PTPRT: variants seen among roughly 807,000 people sequenced by gnomAD.
PTPRT encodes receptor-type tyrosine-protein phosphatase T.
A neutral mutation model predicts 176.8 loss-of-function variants in PTPRT; 56 were observed. That is an observed-to-expected ratio of 0.32 (90% confidence interval 0.26 to 0.40). The LOEUF is 0.40. Among genes scored for constraint, PTPRT ranks in the 10% least tolerant of loss-of-function variants. PTPRT has a pLI of 1.00. For missense variants in PTPRT, 1,540 were observed against 1,908.2 expected, an observed-to-expected ratio of 0.81 and a Z score of 3.60; for synonymous variants, 783 against 739.0, an observed-to-expected ratio of 1.06 and a Z score of -0.96.
At chr20:42,912,787 A>G (rs1177469471) in intron 1 of PTPRT, among the ~76,000 whole-genome samples, 1 of 152,226 alleles carries the variant, frequency 6.6e-6, no homozygotes, top group Non-Finnish European at 1.5e-5. Context: ...AAAATTATCC[A>G]TCTACTCCCG....
At chr20:42,836,172 C>T (rs1006931945) in intron 2 of PTPRT, among the ~76,000 whole-genome samples, 20 of 152,164 alleles carry the variant, frequency 1.3e-4, no homozygotes, top group African/African-American at 4.6e-4. Flanking sequence ...TTACCCTAGC[C>T]TCCTGCTGCC....
chr20:42,057,955 G>A, the PTPRT span, among the ~76,000 whole-genome samples: 1 of 152,158 alleles, frequency 6.6e-6, no homozygotes, highest in African/African-American at 2.4e-5. Flanking sequence ...AACAATTAGG[G>A]AAAGTCATAG....
At chr20:42,665,345 C>G (rs549670207) in intron 7 of PTPRT, among the ~76,000 whole-genome samples, 1 of 152,316 alleles carries the variant, frequency 6.6e-6, no homozygotes, top group East Asian at 1.9e-4. Flanking sequence ...TGAAAAAATG[C>G]TCATCATCAC....
At chr20:42,426,316 A>T (rs544147520) in intron 9 of PTPRT, among the ~76,000 whole-genome samples, 2 of 152,226 alleles carry the variant, frequency 1.3e-5, no homozygotes, top group African/African-American at 4.8e-5. Context: ...AGGAGAGAAG[A>T]GAAGGAGCAT....
Position 42,319,142 on chromosome 20 carries a change from C to G in PTPRT, c.1866-3146G>C, listed in dbSNP as rs192130374. Among the ~76,000 whole-genome samples the G allele has an allele frequency of 2.9e-3, 441 of 152,272 alleles. 2 individuals are homozygous for G. The highest frequency in any genetic ancestry group is 7.1e-3 in the Admixed American group (109 of 15,306). On this transcript the variant is annotated intron_variant, in intron 11 of 30. Transcript: ENST00000373187. The stretch of plus-strand genomic sequence containing the variant: ...CTGAAGATCCACTTGTCAATTCAAC[C>G]AAGCTCAAAAGCCAGATTACACATG...
At chr20:42,814,104 T>C (rs1340430553) in intron 2 of PTPRT, among the ~76,000 whole-genome samples, 1 of 152,164 alleles carries the variant, frequency 6.6e-6, no homozygotes, top group African/African-American at 2.4e-5. Flanking sequence ...GTTACTAATA[T>C]GCTTTTTGGT....
At chr20:42,044,816 A>G in the PTPRT span, among the ~76,000 whole-genome samples, 6 of 152,230 alleles carry the variant, frequency 3.9e-5, no homozygotes, top group East Asian at 1.2e-3. Flanking sequence ...TCTGGAGGTC[A>G]GAGATCTGAC....
At position 42,790,508 on chromosome 20, in the gene PTPRT, G is replaced by C. The variant is rs534121687; in HGVS notation, c.486+687C>G. On this transcript the variant is annotated intron_variant, in intron 3 of 30. Coordinates refer to ENST00000373187, the MANE Select transcript of PTPRT (RefSeq NM_007050.6). ...TATGAGCAGCACTGCTTTAAACTAA[G>C]TTCCATCCATTAGCCTGACATTCAA... Among the ~76,000 whole-genome samples the C allele has an allele frequency of 4.0e-4, 61 of 152,164 alleles. 2 individuals carry two copies. The highest frequency in any genetic ancestry group is 6.6e-4 in the Non-Finnish European group (45 of 68,028).
At chr20:42,251,728 A>AAG (rs2056554531) in intron 13 of PTPRT, among the ~76,000 whole-genome samples, 1 of 151,526 alleles carries the variant, frequency 6.6e-6, no homozygotes, top group South Asian at 2.1e-4. Flanking sequence ...AAAAAACAAA[A>AAG]AAAAGAAAAG....
chr20:42,054,520 C>G, the PTPRT span, among the ~76,000 whole-genome samples: 1 of 152,162 alleles, frequency 6.6e-6, no homozygotes, highest in Non-Finnish European at 1.5e-5. Flanking sequence ...GGTTAACTGT[C>G]TTTGAATTGT....
intron 8 of PTPRT, among the ~76,000 whole-genome samples, chr20:42,456,925 G>A (rs1275939780): frequency 2.0e-5 from 3 of 152,132 alleles, no homozygotes; most frequent in Admixed American, 6.5e-5. Flanking sequence ...AGTCACCTGG[G>A]ACTGATGTGT....
chr20:42,580,238 T>G, intron 7 of PTPRT, among the ~76,000 whole-genome samples: 1 of 151,898 alleles, frequency 6.6e-6, no homozygotes, highest in Non-Finnish European at 1.5e-5. Flanking sequence ...ATTGCTGAGG[T>G]CTCTGTTCTG....
Position 42,728,306 on chromosome 20 carries a change from C to T in PTPRT, c.859+28156G>A, listed in dbSNP as rs138549362. On this transcript the variant is annotated intron_variant, in intron 6 of 30. Coordinates refer to ENST00000373187, the MANE Select transcript of PTPRT (RefSeq NM_007050.6). ...TGCTTCAATAGGTCTGGGGTGGGGC[C>T]GGAGAATTTACATTTCTGATAAGTT... 3.3e-5 allele frequency among the ~76,000 whole-genome samples: 5 copies of T among 152,258 alleles called. No individual in the cohort carries two copies. The East Asian group carries it at 7.7e-4, about 24-fold the overall frequency.
intron 6 of PTPRT, among the ~76,000 whole-genome samples, chr20:42,717,474 A>G (rs1238228598): frequency 1.3e-5 from 2 of 152,174 alleles, no homozygotes; most frequent in Non-Finnish European, 2.9e-5. Flanking sequence ...TCAAAGTGAC[A>G]GTTTTTATAG....
intron 11 of PTPRT, among the ~76,000 whole-genome samples, chr20:42,324,308 A>G (rs1254532402): frequency 6.6e-6 from 1 of 152,220 alleles, no homozygotes. Context: ...TTATTAAGTT[A>G]TGGAGAAAAG....
rs905074634 is a variant in PTPRT, at chr20:42,867,772, C to G, written c.214+18035G>C. Among the ~76,000 whole-genome samples the G allele has an allele frequency of 6.6e-5, 10 of 150,498 alleles. No individual in the cohort carries two copies. In the East Asian group the frequency reaches 1.2e-3, roughly 18 times the overall value. On this transcript the variant is annotated intron_variant, in intron 2 of 30. Coordinates refer to ENST00000373187, the MANE Select transcript of PTPRT (RefSeq NM_007050.6). ...TGTCGGCTCACCACAACCTCCACCT[C>G]CCAGGTTTAAGCGATTCTCCTGCAT...
intron 1 of PTPRT, among the ~76,000 whole-genome samples, chr20:43,090,130 G>A (rs1157758604): frequency 1.3e-5 from 2 of 152,166 alleles, no homozygotes; most frequent in Non-Finnish European, 2.9e-5. Flanking sequence ...ACCAAAGAAA[G>A]AAGTAAGCTG....
intron 18 of PTPRT, among the ~76,000 whole-genome samples, chr20:42,129,732 C>T (rs1199142323): frequency 6.6e-6 from 1 of 152,110 alleles, no homozygotes; most frequent in African/African-American, 2.4e-5. Context: ...CTGGACATCC[C>T]CAAGGGTTTT....
At chr20:42,965,816 T>G (rs2146049569) in intron 1 of PTPRT, among the ~76,000 whole-genome samples, 1 of 152,366 alleles carries the variant, frequency 6.6e-6, no homozygotes, top group Non-Finnish European at 1.5e-5. Flanking sequence ...TAATTTTCTT[T>G]GGGGACAGTG....
Sources: allele counts gnomAD v4.1 joint callset (sites outside exome capture counted in the v4.1 genomes callset), GRCh38; gene constraint gnomAD v4.1.1; transcripts MANE v1.5; gene names NCBI Gene and HGNC (gene_info 2026-07-23, HGNC 2026-07-21).